NHSL2: variants seen among roughly 807,000 people sequenced by gnomAD.
NHSL2 encodes NHS like 2, also known as NHS-like protein 2.
Under a neutral mutation model 53.4 loss-of-function variants are expected in NHSL2, and 27 were observed. That is an observed-to-expected ratio of 0.51 (90% CI 0.37 to 0.70). The LOEUF (loss-of-function observed/expected upper bound fraction) is 0.70, where lower values mean the gene tolerates loss of function less well. NHSL2 is among the 30% of genes least tolerant of loss of function. The pLI, the probability that NHSL2 is intolerant of heterozygous loss-of-function variation, is 0.00. For missense variants in NHSL2, 892 were observed against 980.1 expected (o/e 0.91, Z 1.20); for synonymous variants, 408 against 404.1 (o/e 1.01, Z -0.12).
chrX:71,969,533 G>C (rs1489791980), intron 1 of NHSL2, among the ~76,000 whole-genome samples: 3 of 111,060 alleles, frequency 2.7e-5, no homozygotes, highest in Admixed American at 9.5e-5. Flanking sequence ...GGCTGGTTTC[G>C]AACTCCTGAC....
chrX:72,110,386 C>T (rs929818282), intron 1 of NHSL2, among the ~76,000 whole-genome samples: 2 of 111,201 alleles, frequency 1.8e-5, no homozygotes, highest in East Asian at 2.8e-4. Flanking sequence ...GACTGTATCT[C>T]GTTGTGTCCT....
At chrX:71,935,513 G>A (rs1383571575) in intron 1 of NHSL2, among the ~76,000 whole-genome samples, 63 of 112,990 alleles carry the variant, frequency 5.6e-4, no homozygotes, top group Non-Finnish European at 9.4e-5. Flanking sequence ...GAAGGAGAGG[G>A]GGTTGTGGAA....
intron 1 of NHSL2, among the ~76,000 whole-genome samples, chrX:72,051,567 A>G (rs1569475556): frequency 9.0e-6 from 1 of 111,127 alleles, no homozygotes; most frequent in Non-Finnish European, 1.9e-5. Flanking sequence ...TCTCCTATCC[A>G]GCCCTCCTTC....
intron 1 of NHSL2, among the ~76,000 whole-genome samples, chrX:71,990,971 A>G (rs770731894): frequency 8.9e-6 from 1 of 112,632 alleles, no homozygotes; most frequent in South Asian, 3.7e-4. Context: ...ATTGGGAGTC[A>G]GGACCTGTTT....
chrX:71,987,639 G>A (rs1172342294), intron 1 of NHSL2, among the ~76,000 whole-genome samples: 1 of 112,235 alleles, frequency 8.9e-6, no homozygotes, highest in Non-Finnish European at 1.9e-5. Flanking sequence ...TGAACCAAAA[G>A]GCTTTGTACT....
chrX:72,045,245 G>A (rs1277308926), intron 1 of NHSL2, among the ~76,000 whole-genome samples: 1 of 112,497 alleles, frequency 8.9e-6, no homozygotes. Flanking sequence ...TACTTGGGGA[G>A]TGCAGGGGAG....
At chrX:72,074,184 T>G (rs1389525410) in intron 1 of NHSL2, among the ~76,000 whole-genome samples, 2 of 112,353 alleles carry the variant, frequency 1.8e-5, no homozygotes, top group Non-Finnish European at 3.8e-5. Flanking sequence ...TGCTTCAGGA[T>G]GAAAATGAGT....
At chrX:71,997,444 C>A (rs1440666808) in intron 1 of NHSL2, among the ~76,000 whole-genome samples, 1 of 112,507 alleles carries the variant, frequency 8.9e-6, no homozygotes, top group East Asian at 2.8e-4. Context: ...CACACGTCCT[C>A]TGAACTCCCT....
At chrX:72,098,477 T>A (rs1398994826) in intron 1 of NHSL2, among the ~76,000 whole-genome samples, 1 of 107,975 alleles carries the variant, frequency 9.3e-6, no homozygotes, top group African/African-American at 3.4e-5. Context: ...GCTACTCAGC[T>A]GGCTGAGGCA....
intron 1 of NHSL2, among the ~76,000 whole-genome samples, chrX:71,984,255 A>G (rs1445992581): frequency 8.9e-6 from 1 of 112,083 alleles, no homozygotes; most frequent in Admixed American, 9.5e-5. Flanking sequence ...GAGTTCTGAC[A>G]AAAGGTGATA....
At chrX:72,125,576 C>G (rs1359483215) in intron 1 of NHSL2, among the ~76,000 whole-genome samples, 3 of 111,985 alleles carry the variant, frequency 2.7e-5, no homozygotes, top group African/African-American at 9.8e-5. Context: ...CCCATTCCCA[C>G]AGTGCTTCCT....
intron 1 of NHSL2, among the ~76,000 whole-genome samples, chrX:72,107,667 G>T (rs1365904574): frequency 1.8e-5 from 2 of 112,130 alleles, no homozygotes; most frequent in Admixed American, 1.9e-4. Flanking sequence ...GGTGTTGGAG[G>T]AAGGAACAAC....
chrX:72,049,019 G>GAGGAAGAGGAAA (rs2042323654), intron 1 of NHSL2, among the ~76,000 whole-genome samples: 1 of 104,015 alleles, frequency 9.6e-6, no homozygotes, highest in Non-Finnish European at 2.0e-5. Context: ...AGAAGAGGAA[G>GAGGAAGAGGAAA]AGGAAGAGGA....
In NHSL2 at chrX:71,930,018, G is replaced by C. The variant is rs1306719059; in HGVS notation, c.280+18651G>C. On this transcript the variant is annotated intron_variant, in intron 1 of 7. Transcript: ENST00000633930. ...AATCTGCCTGCTTCAGCCTCCCAAAGTGCTGGGATTATAGGCATGAGCCAC... is the reference window on the plus strand; with the variant it reads ...AATCTGCCTGCTTCAGCCTCCCAAACTGCTGGGATTATAGGCATGAGCCAC... Among the ~76,000 whole-genome samples the C allele has an allele frequency of 7.1e-5, 8 of 112,082 alleles. No homozygotes were observed. The Admixed American group carries it at 7.5e-4, about 11-fold the overall frequency.
chrX:72,111,223 G>T (rs2042090428), intron 1 of NHSL2, among the ~76,000 whole-genome samples: 1 of 112,296 alleles, frequency 8.9e-6, no homozygotes, highest in African/African-American at 3.2e-5. Flanking sequence ...GGTGGCTGGG[G>T]GCTGCTCTCA....
At chrX:71,973,770 A>T (rs1037612997) in intron 1 of NHSL2, among the ~76,000 whole-genome samples, 3 of 111,787 alleles carry the variant, frequency 2.7e-5, no homozygotes, top group Admixed American at 1.9e-4. Context: ...CTGCCCTACA[A>T]GCTGGGACTG....
At position 72,134,628 on chromosome X, in the gene NHSL2, T is replaced by G. The variant is rs1292247801; in HGVS notation, c.684T>G (p.Pro228=). Residue 228 remains proline, a synonymous_variant, in exon 4 of 8, where the codon CCT becomes CCG. Coordinates refer to ENST00000633930, the MANE Select transcript of NHSL2 (RefSeq NM_001013627.3). ...DKQTAWNSLF[P]LPILEEKRWP... is the part of the protein sequence containing the mutation. ...AAACTGCCTGGAATAGCCTTTTCCCTCTGCCCATCCTAGAGGAGAAGCGGT... is the reference window on the plus strand; with the variant it reads ...AAACTGCCTGGAATAGCCTTTTCCCGCTGCCCATCCTAGAGGAGAAGCGGT... 8.6e-7 allele frequency: 1 copy of G among 1,166,361 alleles called. No homozygotes were observed. The highest frequency in any genetic ancestry group is 1.1e-6 in the Non-Finnish European group (1 of 871,996).
intron 1 of NHSL2, among the ~76,000 whole-genome samples, chrX:71,926,575 G>T (rs916078994): frequency 2.7e-5 from 3 of 110,007 alleles, no homozygotes; most frequent in African/African-American, 9.9e-5. Flanking sequence ...AGAACCGTTG[G>T]TTTAGAGCAG....
chrX:72,129,904 C>G (rs768312794), intron 1 of NHSL2: 3 of 1,208,377 alleles, frequency 2.5e-6, no homozygotes, highest in Non-Finnish European at 1.1e-6. Flanking sequence ...CACAGGGGGG[C>G]GTCTTCGAAC....
Sources: allele counts gnomAD v4.1 joint callset (sites outside exome capture counted in the v4.1 genomes callset), GRCh38; gene constraint gnomAD v4.1.1; transcripts MANE v1.5; gene names NCBI Gene and HGNC (gene_info 2026-07-23, HGNC 2026-07-21).